The following PRMT3 variants were observed in gnomAD, a reference collection of about 807,000 sequenced individuals.
The protein encoded by PRMT3 is protein arginine N-methyltransferase 3.
A neutral mutation model predicts 71.9 loss-of-function variants in PRMT3; 62 were observed. The observed-to-expected ratio is 0.86, with a 90% CI of 0.70 to 1.07. The LOEUF (loss-of-function observed/expected upper bound fraction) is 1.07. Among genes scored for constraint, PRMT3 ranks in the 50% least tolerant of loss-of-function variants. The probability of loss-of-function intolerance (pLI) is 0.00; values close to 1 mark genes in which losing one functional copy is unlikely to be tolerated. For synonymous variants in PRMT3, 213 were observed against 220.4 expected, an observed-to-expected ratio of 0.97 and a Z score of 0.30; for missense variants, 663 against 643.0, an observed-to-expected ratio of 1.03 and a Z score of -0.34.
rs752994465 is a variant in PRMT3, at chr11:20,408,077, A to G, written c.893+45A>G. On this transcript the variant is annotated intron_variant, in intron 9 of 15. Coordinates refer to ENST00000331079, the MANE Select transcript of PRMT3 (RefSeq NM_005788.4). ...TCATTTAAGATTATTTTAAAATTTA[A>G]TGATTATTTAATAGATTTTCTTGTC... 12 of 1,350,890 alleles carry G rather than the reference A, an allele frequency of 8.9e-6. No homozygotes were observed. In the East Asian group the frequency reaches 2.9e-4, roughly 32 times the overall value. The allele number at this position is 1,350,890 out of a possible 1,614,324, so 83.7% of individuals were successfully genotyped here. A position where few individuals can be genotyped will look rare whatever the true frequency, so the allele number is the denominator to read the frequency against.
At chr11:20,393,031 TA>T (rs1462329449) in intron 5 of PRMT3, 32 bp downstream of exon 5, 1 of 1,399,360 alleles carries the variant, frequency 7.1e-7, no homozygotes, top group South Asian at 1.2e-5. Context: ...CTCCTTTAAT[TA>T]ACATAAGGCC....
intron 10 of PRMT3, among the ~76,000 whole-genome samples, chr11:20,445,406 G>A (rs1321174020): frequency 2.6e-5 from 4 of 151,992 alleles, no homozygotes; most frequent in African/African-American, 9.7e-5. Context: ...CAATCATTTT[G>A]TCTAATTGTG....
At chr11:20,433,766 A>G (rs2133362013) in intron 10 of PRMT3, among the ~76,000 whole-genome samples, 1 of 152,126 alleles carries the variant, frequency 6.6e-6, no homozygotes, top group East Asian at 1.9e-4. Context: ...GACTACAGAC[A>G]TGTACCGCCG....
At position 20,395,982 on chromosome 11, in the gene PRMT3, A is replaced by T. The variant is rs1400052039; in HGVS notation, c.560+20A>T. 3 of 1,610,798 alleles carry T rather than the reference A, an allele frequency of 1.9e-6. No homozygotes were observed. In the South Asian group the frequency reaches 3.3e-5, roughly 18 times the overall value. ...AATGAAGTAATTTATCAATCTTGCA[A>T]AATTAATTGTTTTAGATCTCCAGAA... is the stretch of plus-strand genomic sequence containing the variant. On this transcript the variant is annotated intron_variant, in intron 6 of 15. Transcript: ENST00000331079.
At chr11:20,397,923 C>T (rs527588917) in intron 7 of PRMT3, among the ~76,000 whole-genome samples, 2 of 149,678 alleles carry the variant, frequency 1.3e-5, no homozygotes, top group East Asian at 3.9e-4. Flanking sequence ...CCTGTAATAC[C>T]AGCACTTTGG....
At chr11:20,417,530 A>G (rs1320962844) in intron 9 of PRMT3, among the ~76,000 whole-genome samples, 1 of 152,182 alleles carries the variant, frequency 6.6e-6, no homozygotes, top group East Asian at 1.9e-4. Flanking sequence ...TCTTCTTAGA[A>G]CATAGACCGT....
chr11:20,482,329 A>G (rs1203740526), intron 13 of PRMT3, among the ~76,000 whole-genome samples: 1 of 146,522 alleles, frequency 6.8e-6, no homozygotes, highest in Non-Finnish European at 1.5e-5. Flanking sequence ...ATTTGAGTGG[A>G]ATCTTAAAAT....
intron 9 of PRMT3, among the ~76,000 whole-genome samples, chr11:20,411,943 A>G (rs1849202289): frequency 6.6e-6 from 1 of 152,164 alleles, no homozygotes; most frequent in African/African-American, 2.4e-5. Context: ...TTGTATCCAC[A>G]TAAGACTTGT....
At chr11:20,426,280 A>G (rs570004661) in intron 9 of PRMT3, among the ~76,000 whole-genome samples, 152 of 152,326 alleles carry the variant, frequency 1.0e-3, no homozygotes, top group African/African-American at 3.3e-3. Flanking sequence ...TCTCTTTTAC[A>G]CAGGAGTAGC....
At chr11:20,470,457 C>T (rs895444868) in intron 13 of PRMT3, among the ~76,000 whole-genome samples, 2 of 152,170 alleles carry the variant, frequency 1.3e-5, no homozygotes, top group Non-Finnish European at 2.9e-5. Context: ...CATTATTCAG[C>T]TCTCACTTAT....
At chr11:20,434,548 G>A (rs958167678) in intron 10 of PRMT3, among the ~76,000 whole-genome samples, 1 of 151,922 alleles carries the variant, frequency 6.6e-6, no homozygotes, top group African/African-American at 2.4e-5. Context: ...GAGTTGAAAG[G>A]AAGGGGTCTA....
intron 13 of PRMT3, among the ~76,000 whole-genome samples, chr11:20,481,998 G>A (rs1311245345): frequency 1.3e-5 from 2 of 151,862 alleles, no homozygotes; most frequent in Admixed American, 6.6e-5. Context: ...GTATATGTTC[G>A]TTGCCTAGAA....
intron 9 of PRMT3, among the ~76,000 whole-genome samples, chr11:20,410,344 G>A (rs572756287): frequency 2.6e-5 from 4 of 151,564 alleles, no homozygotes; most frequent in Non-Finnish European, 4.4e-5. Context: ...TTTTCATTGC[G>A]GTCATCTAAA....
At chr11:20,495,268 G>A (rs1250533909) in intron 15 of PRMT3, among the ~76,000 whole-genome samples, 2 of 152,188 alleles carry the variant, frequency 1.3e-5, no homozygotes, top group African/African-American at 2.4e-5. Context: ...TGCCCATCTC[G>A]GCCTTCCAAA....
intron 13 of PRMT3, among the ~76,000 whole-genome samples, chr11:20,481,958 A>G (rs760329240): frequency 5.3e-5 from 8 of 149,596 alleles, no homozygotes; most frequent in African/African-American, 7.7e-5. Context: ...TATTAAGAAG[A>G]TAACGTTTCC....
rs534889431 is a variant in PRMT3 at position 20,507,761 on chromosome 11, C to G, written c.1487-543C>G. 9.5e-5 allele frequency among the ~76,000 whole-genome samples: 14 copies of G among 148,000 alleles called. No individual in the cohort carries two copies. The South Asian group carries it at 3.1e-3, about 33-fold the overall frequency. On this transcript the variant is annotated intron_variant, in intron 15 of 15. Coordinates refer to ENST00000331079, the MANE Select transcript of PRMT3 (RefSeq NM_005788.4). ...TACCACTGCACTCTAGCCTGGGCAA[C>G]AGAGAGAGACTGTCTTAAAAAAAAA...
At chr11:20,466,512 C>T (rs1850515789) in intron 13 of PRMT3, among the ~76,000 whole-genome samples, 2 of 152,132 alleles carry the variant, frequency 1.3e-5, no homozygotes, top group Admixed American at 1.3e-4. Flanking sequence ...AGCATATCTG[C>T]TTGGTGAATC....
At chr11:20,443,687 C>T (rs1849959773) in intron 10 of PRMT3, among the ~76,000 whole-genome samples, 1 of 152,086 alleles carries the variant, frequency 6.6e-6, no homozygotes, top group East Asian at 1.9e-4. Flanking sequence ...CCACACGTGC[C>T]TTGGGAAAGA....
chr11:20,460,417 T>C (rs938823921), intron 11 of PRMT3, among the ~76,000 whole-genome samples: 2 of 152,190 alleles, frequency 1.3e-5, no homozygotes, highest in African/African-American at 4.8e-5. Context: ...TTGTTATTAG[T>C]GGAGAGTTTC....
Sources: gnomAD v4.1 joint callset for allele counts (sites outside exome capture counted in the v4.1 genomes callset) on GRCh38, gnomAD v4.1.1 for gene constraint, MANE v1.5 for transcripts, NCBI Gene and HGNC (gene_info 2026-07-23, HGNC 2026-07-21) for gene names.